The following ZNF770 variants were observed in gnomAD, a reference collection of about 807,000 sequenced individuals.
The protein encoded by ZNF770 is zinc finger protein 770.
Under a neutral mutation model 44.8 loss-of-function variants are expected in ZNF770, and 13 were observed. The ratio of observed to expected loss-of-function variants is 0.29; its 90% CI spans 0.19 to 0.46. The LOEUF (loss-of-function observed/expected upper bound fraction) is 0.46. Ranked by LOEUF, ZNF770 falls within the 20% of genes least tolerant of loss-of-function variation. The probability of loss-of-function intolerance (pLI) is 1.00; values close to 1 mark genes in which losing one functional copy is unlikely to be tolerated. For missense variants in ZNF770, 681 were observed against 797.9 expected (o/e 0.85, Z 1.77); for synonymous variants, 304 against 271.8 (o/e 1.12, Z -1.17).
intron 2 of ZNF770, among the ~76,000 whole-genome samples, chr15:34,985,953 T>A (rs953365230): frequency 1.3e-5 from 2 of 151,846 alleles, no homozygotes; most frequent in African/African-American, 2.4e-5. Context: ...GTAGAAAGTA[T>A]CAGACTGCAT....
At position 34,980,904 on chromosome 15, in the gene ZNF770, A is replaced by C. The variant is rs978368783; in HGVS notation, c.*455T>G. The C allele has an allele frequency of 2.6e-5, 4 of 153,210 alleles. No individual in the cohort carries two copies. The East Asian group carries it at 7.7e-4, about 29-fold the overall frequency. The allele number at this position is 153,210 out of a possible 1,614,324, so 9.5% of individuals were successfully genotyped here. A position where few individuals can be genotyped will look rare whatever the true frequency, so the allele number is the denominator to read the frequency against. Reference sequence around the variant, plus strand: ...AATGCAATTTGAGTCACATGTGGACAAAATTATGCTTTCATATGAAATGTA... The same window carrying C: ...AATGCAATTTGAGTCACATGTGGACCAAATTATGCTTTCATATGAAATGTA... On this transcript the variant is annotated 3_prime_UTR_variant, in exon 3 of 3. Transcript: ENST00000356321.
At position 34,979,731 on chromosome 15, in the gene ZNF770, A is replaced by G. The variant is rs1259067108; in HGVS notation, c.*1628T>C. 1 of 442,498 alleles carries G rather than the reference A, an allele frequency of 2.3e-6. No homozygotes were observed. The allele number at this position is 442,498 out of a possible 1,614,324, so 27.4% of individuals were successfully genotyped here. On this transcript the variant is annotated 3_prime_UTR_variant, in exon 3 of 3. Transcript: ENST00000356321. Reference sequence around the variant, plus strand: ...AACTTACAATTGTTCATTTATCCACATTCTCAATAGAGGATTTTCCACTAT... The same window carrying G: ...AACTTACAATTGTTCATTTATCCACGTTCTCAATAGAGGATTTTCCACTAT...
rs2050409341 is a variant in ZNF770 at position 34,982,512 on chromosome 15, A to G, written c.923T>C (p.Ile308Thr). The G allele has an allele frequency of 3.1e-6, 5 of 1,613,914 alleles. No homozygotes were observed. Among genetic ancestry groups the G allele is most frequent in the African/African-American group, 1.3e-5 (1 of 74,914 alleles). Residue 308 changes from isoleucine (I) to threonine (T), a missense_variant, in exon 3 of 3, where the codon ATT becomes ACT. Physicochemically the swap from Ile to Thr is moderately conservative, Grantham distance 89. Around this residue, in one of 5 missense-constraint regions of ZNF770, gnomAD observed 432 missense variants for 434.1 expected, o/e 1.00. Coordinates refer to ENST00000356321, the MANE Select transcript of ZNF770 (RefSeq NM_014106.4). The stretch of plus-strand genomic sequence containing the variant: ...AGCAAAACAGCTGTGTTCATTGAGA[A>G]TCTGCTCTGATTCAAAACACTTTTC... Reference protein sequence around the residue: ...KCEKCFESEQILNEHSCFAAR... With the variant: ...KCEKCFESEQTLNEHSCFAAR...
At chr15:34,984,995 T>G (rs1033458381) in intron 2 of ZNF770, among the ~76,000 whole-genome samples, 8 of 151,956 alleles carry the variant, frequency 5.3e-5, no homozygotes, top group African/African-American at 1.9e-4. Flanking sequence ...TAGCCAGGCG[T>G]GGTAGTGCAC....
rs182200690 is a variant in ZNF770, at chr15:34,986,693, T to C, written c.-57+864A>G. On this transcript the variant is annotated intron_variant, in intron 2 of 2. Transcript: ENST00000356321. ...AGTGCATATGAGGTAATCCTCTCAC[T>C]GAAAGGAGCCCCTAACAAAAATCTC... is the stretch of plus-strand genomic sequence containing the variant. 5.8e-4 allele frequency among the ~76,000 whole-genome samples: 89 copies of C among 152,306 alleles called. 1 individual carries two copies. Among genetic ancestry groups the C allele is most frequent in the African/African-American group, 2.1e-3 (88 of 41,562 alleles).
At chr15:34,983,676 G>C (rs1422997011) in intron 2 of ZNF770, among the ~76,000 whole-genome samples, 186 bp from the exon 3 acceptor site, 1 of 152,090 alleles carries the variant, frequency 6.6e-6, no homozygotes, top group Non-Finnish European at 1.5e-5. Context: ...ACAGAGATAT[G>C]AGTCTTTAAA....
Position 34,983,447 on chromosome 15 carries a change from T to A in ZNF770, c.-13A>T. 1 of 1,534,718 alleles carries A rather than the reference T, an allele frequency of 6.5e-7. No individual in the cohort carries two copies. The highest frequency in any genetic ancestry group is 1.4e-5 in the African/African-American group (1 of 72,620). ...TTTCAGCCATCATATTCTTCAATGA[T>A]ATACTCTGATGAGCTCCATACTGTT... On this transcript the variant is annotated 5_prime_UTR_variant, in exon 3 of 3. Transcript: ENST00000356321.
rs760319051 is a variant in ZNF770, at chr15:34,981,905, T to A, written c.1530A>T (p.Lys510Asn). ...QRPFGCNICG[K>N]SFRQSAHLKR... is the part of the protein sequence containing the mutation. ...TTAAGTGAGCTGACTGTCTAAAAGA[T>A]TTCCCACAAATATTACAGCCAAAGG... The change falls in exon 3 of 3, where the codon AAA becomes AAT. Residue 510 changes from lysine to asparagine, a missense_variant. Physicochemically the swap from Lys to Asn is moderately conservative, Grantham distance 94 (BLOSUM62 0). This residue lies in a region of ZNF770 where 148 missense variants were observed against 191.0 expected (regional missense o/e 0.77). Transcript: ENST00000356321. The A allele has an allele frequency of 1.2e-6, 2 of 1,614,040 alleles. No individual in the cohort carries two copies. Among genetic ancestry groups the A allele is most frequent in the East Asian group, 4.5e-5 (2 of 44,874 alleles).
At position 34,982,723 on chromosome 15, in the gene ZNF770, G is replaced by A. The variant is rs2050410828; in HGVS notation, c.712C>T (p.His238Tyr). The A allele has an allele frequency of 1.2e-6, 2 of 1,613,530 alleles. No homozygotes were observed. Among genetic ancestry groups the A allele is most frequent in the Non-Finnish European group, 1.7e-6 (2 of 1,179,944 alleles). ...QSKLLKHKQI[H>Y]TRNKAFRALL... ...GCCCGAAAAGCCTTATTCCTAGTAT[G>A]GATTTGTTTATGCTTCAGAAGTTTG... Residue 238 changes from histidine to tyrosine, a missense_variant, in exon 3 of 3, where the codon CAT becomes TAT. This residue lies in a region of ZNF770 where 432 missense variants were observed against 434.1 expected (regional missense o/e 1.00). Coordinates refer to ENST00000356321, the MANE Select transcript of ZNF770 (RefSeq NM_014106.4).
intron 2 of ZNF770, among the ~76,000 whole-genome samples, chr15:34,984,809 G>T (rs893399590): frequency 1.3e-5 from 2 of 151,934 alleles, no homozygotes; most frequent in African/African-American, 4.8e-5. Flanking sequence ...TAGTAAAAGG[G>T]TCATTTTGGT....
intron 2 of ZNF770, among the ~76,000 whole-genome samples, chr15:34,984,827 G>A (rs565056437): frequency 4.0e-5 from 6 of 151,824 alleles, no homozygotes; most frequent in African/African-American, 9.7e-5. Flanking sequence ...GGTCTTAAGC[G>A]TTAATATAAA....
chr15:34,978,805 A>T lies in ZNF770; in HGVS notation c.*2554T>A, dbSNP rs1351948791. The T allele has an allele frequency of 6.6e-6, 1 of 152,176 alleles. No individual in the cohort carries two copies. Among genetic ancestry groups the T allele is most frequent in the Non-Finnish European group, 1.5e-5 (1 of 68,032 alleles). 9.4% of individuals were successfully genotyped at this position (152,176 alleles called of 1,614,324 possible). A position where few individuals can be genotyped will look rare whatever the true frequency, so the allele number is the denominator to read the frequency against. On this transcript the variant is annotated 3_prime_UTR_variant, in exon 3 of 3. Transcript: ENST00000356321. ...CCTGGACCGTCCCCCCAACCCACAGATACCAAAAATCCAAGTATACTCAAG... is the reference window on the plus strand; with the variant it reads ...CCTGGACCGTCCCCCCAACCCACAGTTACCAAAAATCCAAGTATACTCAAG...
Position 34,983,035 on chromosome 15 carries a change from T to G in ZNF770, c.400A>C (p.Thr134Pro). ...TGTAATGCCCATCTTTCCTCTGTGG[T>G]AAAAGTATTATACACTCCATACATT... is the stretch of plus-strand genomic sequence containing the variant. ...KSMYGVYNTF[T>P]TEERWALHPC... The change falls in exon 3 of 3, where the codon ACC becomes CCC. Residue 134 changes from threonine to proline, a missense_variant. Around this residue, in one of 5 missense-constraint regions of ZNF770, gnomAD observed 432 missense variants for 434.1 expected, o/e 1.00. Transcript: ENST00000356321. The G allele has an allele frequency of 6.2e-7, 1 of 1,614,064 alleles. No homozygotes were observed. The highest frequency in any genetic ancestry group is 8.5e-7 in the Non-Finnish European group (1 of 1,179,944).
chr15:34,982,311 T>C lies in ZNF770; in HGVS notation c.1124A>G (p.Glu375Gly), dbSNP rs1166695860. ...FLRNCDLISG[E>G]QSSEQTQRTF... ...TCTCTGGGTTTGTTCAGAGCTCTGC[T>C]CACCAGAAATAAGATCACAATTTCT... The change falls in exon 3 of 3, where the codon GAG becomes GGG. Residue 375 changes from glutamate to glycine, a missense_variant. This residue lies in a region of ZNF770 where 432 missense variants were observed against 434.1 expected (regional missense o/e 1.00). Transcript: ENST00000356321. The C allele has an allele frequency of 1.2e-6, 2 of 1,611,484 alleles. No individual in the cohort carries two copies. The highest frequency in any genetic ancestry group is 2.2e-5 in the South Asian group (2 of 90,220).
rs1300012372 is a variant in ZNF770, at chr15:34,982,702, G to A, written c.733C>T (p.Arg245Trp). 3.1e-6 allele frequency: 5 copies of A among 1,612,894 alleles called. No individual in the cohort carries two copies. Among genetic ancestry groups the A allele is most frequent in the Admixed American group, 1.7e-5 (1 of 59,940 alleles). ...KQIHTRNKAF[R>W]ALLLKKRRTE... ...CGCCTCTTCTTTAATAAAAGAGCCC[G>A]AAAAGCCTTATTCCTAGTATGGATT... The change falls in exon 3 of 3, where the codon CGG becomes TGG. Residue 245 changes from arginine to tryptophan, a missense_variant. Physicochemically the swap from Arg to Trp is moderately radical, Grantham distance 101 (BLOSUM62 -3). Coordinates refer to ENST00000356321, the MANE Select transcript of ZNF770 (RefSeq NM_014106.4).
At position 34,982,063 on chromosome 15, in the gene ZNF770, G is replaced by C. The variant is rs2050405449; in HGVS notation, c.1372C>G (p.Gln458Glu). Residue 458 changes from glutamine (Q) to glutamate (E), a missense_variant, in exon 3 of 3, where the codon CAG becomes GAG. Physicochemically the swap from Gln to Glu is conservative, Grantham distance 29. Coordinates refer to ENST00000356321, the MANE Select transcript of ZNF770 (RefSeq NM_014106.4). Reference sequence around the variant, plus strand: ...TCCCTTGGAACTGAAAAACCACACTGAAGTACCTCACAGTTATTAAAGAAT... The same window carrying C: ...TCCCTTGGAACTGAAAAACCACACTCAAGTACCTCACAGTTATTAAAGAAT... ...EEFFNNCEVLQCGFSVPRENI... is the reference protein window; with the variant it reads ...EEFFNNCEVLECGFSVPRENI... The C allele has an allele frequency of 6.2e-7, 1 of 1,613,692 alleles. No homozygotes were observed. Among genetic ancestry groups the C allele is most frequent in the East Asian group, 2.2e-5 (1 of 44,860 alleles).
intron 2 of ZNF770, 68 bp from the exon 3 acceptor site, chr15:34,983,558 G>A: frequency 1.1e-6 from 1 of 887,614 alleles, no homozygotes; most frequent in Non-Finnish European, 1.5e-6. Flanking sequence ...AACTTAAGTT[G>A]TTCTTTGGCT....
Position 34,982,835 on chromosome 15 carries a change from T to C in ZNF770, c.600A>G (p.Ser200=), listed in dbSNP as rs2050411578. Reference sequence around the variant, plus strand: ...TAAGTTGGTGGATTTTTAAGTGAGTTGACTGTCGAAAAGATTTAGTACACA... The same window carrying C: ...TAAGTTGGTGGATTTTTAAGTGAGTCGACTGTCGAAAAGATTTAGTACACA... ...CVLCTKSFRQ[S]THLKIHQLTH... is the part of the protein sequence containing the mutation. Residue 200 remains serine (S), a synonymous_variant, in exon 3 of 3, where the codon TCA becomes TCG. Coordinates refer to ENST00000356321, the MANE Select transcript of ZNF770 (RefSeq NM_014106.4). 1 of 1,613,722 alleles carries C rather than the reference T, an allele frequency of 6.2e-7. No individual in the cohort carries two copies. The highest frequency in any genetic ancestry group is 1.7e-5 in the Admixed American group (1 of 59,988).
Position 34,982,348 on chromosome 15 carries a change from T to C in ZNF770, c.1087A>G (p.Lys363Glu). 1.2e-6 allele frequency: 2 copies of C among 1,607,878 alleles called. No homozygotes were observed. Among genetic ancestry groups the C allele is most frequent in the Admixed American group, 1.7e-5 (1 of 58,582 alleles). The change falls in exon 3 of 3, where the codon AAG becomes GAG. Residue 363 changes from lysine to glutamate, a missense_variant. By Grantham distance (56) the Lys-to-Glu change is moderately conservative. Around this residue, in one of 5 missense-constraint regions of ZNF770, gnomAD observed 432 missense variants for 434.1 expected, o/e 1.00. Coordinates refer to ENST00000356321, the MANE Select transcript of ZNF770 (RefSeq NM_014106.4). Reference protein sequence around the residue: ...NFQSEKKVFKKSFLRNCDLIS... With the variant: ...NFQSEKKVFKESFLRNCDLIS... ...AGATCACAATTTCTCAAGAAACTCT[T>C]TTTAAATACTTTTTTCTCAGATTGA...
Sources: gnomAD v4.1 joint callset for allele counts (sites outside exome capture counted in the v4.1 genomes callset) on GRCh38, gnomAD v4.1.1 for gene constraint, gnomAD v4.1.1 regional missense constraint, MANE v1.5 for transcripts, NCBI Gene and HGNC (gene_info 2026-07-23, HGNC 2026-07-21) for gene names.